Variants in MFF observed in about 807,000 individuals in gnomAD.
MFF encodes the protein chromosome 2 open reading frame 33.
MFF carries 12 observed loss-of-function variants against 36.9 expected under a neutral mutation model. That is an observed-to-expected ratio of 0.33 (90% CI 0.21 to 0.53). MFF has a LOEUF of 0.53. Among genes scored for constraint, MFF ranks in the 20% least tolerant of loss-of-function variants. The probability of loss-of-function intolerance (pLI) is 0.95; values close to 1 mark genes in which losing one functional copy is unlikely to be tolerated. For synonymous variants in MFF, 99 were observed against 126.2 expected, an observed-to-expected ratio of 0.78 and a Z score of 1.44; for missense variants, 348 against 366.6, an observed-to-expected ratio of 0.95 and a Z score of 0.42.
At chr2:227,333,315 G>A (rs1430970469) in intron 4 of MFF, among the ~76,000 whole-genome samples, 1 of 152,118 alleles carries the variant, frequency 6.6e-6, no homozygotes, top group Admixed American at 6.5e-5. Flanking sequence ...CACCCATACT[G>A]TCTAGGGCAA....
At chr2:227,340,518 T>C (rs1395641839) in intron 5 of MFF, 138 bp downstream of exon 5, 1 of 667,876 alleles carries the variant, frequency 1.5e-6, no homozygotes, top group African/African-American at 1.8e-5. Flanking sequence ...GTAATACTTT[T>C]TGTAATCTTA....
chr2:227,347,485 CTCTT>C (rs2106434682), intron 6 of MFF, 101 bp downstream of exon 6: 3 of 931,464 alleles, frequency 3.2e-6, no homozygotes, highest in East Asian at 2.4e-5. Flanking sequence ...ACCTTCTAGC[CTCTT>C]TCTAAGATGC....
In MFF at chr2:227,352,638, TG is replaced by T. The variant is rs1199107820; in HGVS notation, c.659+66del. The T allele has an allele frequency of 3.9e-6, 5 of 1,294,614 alleles. No homozygotes were observed. In the Admixed American group the frequency reaches 8.8e-5, roughly 23 times the overall value. 80.2% of individuals were successfully genotyped at this position (1,294,614 alleles called of 1,614,324 possible). A position where few individuals can be genotyped will look rare whatever the true frequency, so the allele number is the denominator to read the frequency against. On this transcript the variant is annotated intron_variant, in intron 7 of 8. Transcript: ENST00000304593. ...GGCGGAATTTGTGTGTTGCAGGGCA[TG>T]TTGCATGTCGTAGCCATGCCTGTGT... is the stretch of plus-strand genomic sequence containing the variant.
intron 2 of MFF, chr2:227,329,443 A>G (rs1299668549): frequency 9.9e-6 from 3 of 303,936 alleles, no homozygotes; most frequent in Non-Finnish European, 1.8e-5. Flanking sequence ...TTTGAGGTAT[A>G]GAAAAACTCT....
At position 227,330,876 on chromosome 2, in the gene MFF, G is replaced by A. The variant is rs367676581; in HGVS notation, c.181+30G>A. ...TTCACCTTTACTTAGAAGGTTGCCT[G>A]TTAAATCTTTGTTTTATATGTTTCT... On this transcript the variant is annotated intron_variant, in intron 3 of 8. Transcript: ENST00000304593. 1.4e-3 allele frequency: 2,046 copies of A among 1,501,014 alleles called. 18 individuals carry two copies. The South Asian group carries it at 0.017, about 12-fold the overall frequency. 93.0% of individuals were successfully genotyped at this position (1,501,014 alleles called of 1,614,324 possible). A position where few individuals can be genotyped will look rare whatever the true frequency, so the allele number is the denominator to read the frequency against.
chr2:227,353,908 G>C (rs916497263), intron 7 of MFF, among the ~76,000 whole-genome samples: 3 of 151,996 alleles, frequency 2.0e-5, no homozygotes, highest in African/African-American at 7.3e-5. Context: ...TCTGTTATGT[G>C]GCCTCAGAGA....
chr2:227,335,897 G>A (rs1045649779), intron 4 of MFF, among the ~76,000 whole-genome samples: 3 of 152,162 alleles, frequency 2.0e-5, no homozygotes, highest in African/African-American at 7.2e-5. Context: ...CCATTGCTTG[G>A]TGATTCTGTC....
At chr2:227,352,636 C>T (rs1055982669) in intron 7 of MFF, 63 bp downstream of exon 7, 1 of 1,286,492 alleles carries the variant, frequency 7.8e-7, no homozygotes, top group Non-Finnish European at 1.1e-6. Flanking sequence ...TGTTGCAGGG[C>T]ATGTTGCATG....
chr2:227,348,412 C>G (rs1574976309), intron 6 of MFF, among the ~76,000 whole-genome samples: 1 of 152,026 alleles, frequency 6.6e-6, no homozygotes, highest in East Asian at 1.9e-4. Context: ...CAGAGTTGAC[C>G]TAGTGCTATG....
intron 7 of MFF, among the ~76,000 whole-genome samples, chr2:227,354,880 G>A (rs1295272934): frequency 6.6e-6 from 1 of 152,154 alleles, no homozygotes; most frequent in African/African-American, 2.4e-5. Flanking sequence ...TAAAGAATAG[G>A]CCAGGCGTGG....
rs2075231997 is a variant in MFF at position 227,339,022 on chromosome 2, G to A, written c.352-1270G>A. 3.3e-5 allele frequency among the ~76,000 whole-genome samples: 5 copies of A among 151,850 alleles called. No homozygotes were observed. The South Asian group carries it at 1.0e-3, about 32-fold the overall frequency. On this transcript the variant is annotated intron_variant, in intron 4 of 8. Coordinates refer to ENST00000304593, the MANE Select transcript of MFF (RefSeq NM_001277062.2). ...GTTCGAGACCAGCCTGGGGAACATG[G>A]CAAAACCCCCATCTCTACAAAATAC...
chr2:227,339,965 A>G (rs1033363737), intron 4 of MFF, among the ~76,000 whole-genome samples: 1 of 152,236 alleles, frequency 6.6e-6, no homozygotes, highest in Non-Finnish European at 1.5e-5. Flanking sequence ...GTTCTTATAA[A>G]TAAGTATATA....
intron 4 of MFF, among the ~76,000 whole-genome samples, chr2:227,334,186 T>A (rs929317103): frequency 5.9e-5 from 9 of 152,228 alleles, no homozygotes; most frequent in Admixed American, 5.9e-4. Context: ...GAGATTGTTA[T>A]GAGAATTAAA....
At chr2:227,336,678 G>T (rs2075031999) in intron 4 of MFF, among the ~76,000 whole-genome samples, 1 of 152,172 alleles carries the variant, frequency 6.6e-6, no homozygotes, top group South Asian at 2.1e-4. Flanking sequence ...AGGAGTAGAA[G>T]AAATATCTAG....
intron 1 of MFF, among the ~76,000 whole-genome samples, chr2:227,326,362 A>G (rs1197662705): frequency 6.6e-6 from 1 of 151,782 alleles, no homozygotes; most frequent in Non-Finnish European, 1.5e-5. Context: ...TTCTGCCTCA[A>G]TTCCGTTGGC....
chr2:227,352,198 A>G, intron 6 of MFF: 1 of 230,654 alleles, frequency 4.3e-6, no homozygotes, highest in Non-Finnish European at 8.5e-6. Flanking sequence ...ACACTTTTTA[A>G]GCAGAGTTGT....
intron 5 of MFF, 195 bp downstream of exon 5, chr2:227,340,575 C>A (rs761949004): frequency 3.8e-5 from 20 of 530,546 alleles, no homozygotes; most frequent in Non-Finnish European, 6.1e-5. Context: ...GTCACCTTAT[C>A]CTTTCCTGTG....
At chr2:227,342,584 G>T (rs1424873907) in intron 5 of MFF, among the ~76,000 whole-genome samples, 1 of 152,150 alleles carries the variant, frequency 6.6e-6, no homozygotes, top group Non-Finnish European at 1.5e-5. Context: ...GGGTATGAGA[G>T]CAGGAGCACT....
At chr2:227,335,835 T>C (rs534961113) in intron 4 of MFF, among the ~76,000 whole-genome samples, 1 of 152,350 alleles carries the variant, frequency 6.6e-6, no homozygotes, top group South Asian at 2.1e-4. Context: ...TGACAAACAC[T>C]TTCAATATGC....
Sources: allele counts gnomAD v4.1 joint callset (sites outside exome capture counted in the v4.1 genomes callset), GRCh38; gene constraint gnomAD v4.1.1; transcripts MANE v1.5; gene names NCBI Gene and HGNC (gene_info 2026-07-23, HGNC 2026-07-21).